The following SEPSECS variants were observed in gnomAD, a reference collection of about 807,000 sequenced individuals.
SEPSECS encodes Sep (O-phosphoserine) tRNA:Sec (selenocysteine) tRNA synthase, also known as O-phosphoseryl-tRNA(Sec) selenium transferase.
A neutral mutation model predicts 52.1 loss-of-function variants in SEPSECS; 42 were observed. The observed-to-expected ratio is 0.81, with a 90% confidence interval of 0.63 to 1.04. SEPSECS has a LOEUF of 1.04. SEPSECS is among the 50% of genes least tolerant of loss of function. The probability of loss-of-function intolerance (pLI) is 0.00; values close to 1 mark genes in which losing one functional copy is unlikely to be tolerated. For missense variants in SEPSECS, 590 were observed against 610.6 expected (o/e 0.97, Z 0.36); for synonymous variants, 216 against 211.4 (o/e 1.02, Z -0.19).
rs574542053 is a variant in SEPSECS, at chr4:25,144,150, C to A, written c.1026+624G>T. Among the ~76,000 whole-genome samples, 304 of 151,898 alleles carry A rather than the reference C, an allele frequency of 2.0e-3. 2 individuals carry two copies. In the South Asian group the frequency reaches 0.021, roughly 10 times the overall value. Reference sequence around the variant, plus strand: ...GGTCAGGAGTTGGAGATCAGCCTAGCCAACATAGTGAAACCCCGTCTCTAC... The same window carrying A: ...GGTCAGGAGTTGGAGATCAGCCTAGACAACATAGTGAAACCCCGTCTCTAC... On this transcript the variant is annotated intron_variant, in intron 8 of 10. Coordinates refer to ENST00000382103, the MANE Select transcript of SEPSECS (RefSeq NM_016955.4).
intron 6 of SEPSECS, among the ~76,000 whole-genome samples, chr4:25,150,050 T>C (rs1179229957): frequency 6.6e-6 from 1 of 152,196 alleles, no homozygotes; most frequent in African/African-American, 2.4e-5. Flanking sequence ...TCCTAACTGA[T>C]ACAAAGTTGA....
At chr4:25,129,723 C>T (rs1352408550) in intron 8 of SEPSECS, among the ~76,000 whole-genome samples, 1 of 151,910 alleles carries the variant, frequency 6.6e-6, no homozygotes, top group Non-Finnish European at 1.5e-5. Context: ...AAAGGTGAAA[C>T]AATAAGATAA....
rs17408685 is a variant in SEPSECS, at chr4:25,125,687, T to C, written c.1211+7A>G. The C allele has an allele frequency of 0.036, 56,980 of 1,595,370 alleles. 1,356 individuals carry two copies. Among genetic ancestry groups the C allele is most frequent in the East Asian group, 0.13 (5,853 of 44,710 alleles). ...AATAAACCCATATCTATCTTAAACATACTTACCTGGCTCCAGAAACCTGTC... is the reference window on the plus strand; with the variant it reads ...AATAAACCCATATCTATCTTAAACACACTTACCTGGCTCCAGAAACCTGTC... On this transcript the variant is annotated splice_region_variant and intron_variant, in intron 10 of 10. Coordinates refer to ENST00000382103, the MANE Select transcript of SEPSECS (RefSeq NM_016955.4).
chr4:25,155,267 T>C (rs1712553496), intron 4 of SEPSECS, 116 bp from the exon 5 acceptor site: 1 of 1,138,688 alleles, frequency 8.8e-7, no homozygotes, highest in Non-Finnish European at 1.3e-6. Context: ...TTTTGGTAGA[T>C]TAACCTTCCT....
chr4:25,160,338 C>G lies in SEPSECS; in HGVS notation c.32G>C (p.Arg11Pro), dbSNP rs963475810. 10 of 1,548,612 alleles carry G rather than the reference C, an allele frequency of 6.5e-6. No individual in the cohort carries two copies. The Admixed American group carries it at 1.8e-4, about 27-fold the overall frequency. Reference sequence around the variant, plus strand: ...CCGCACGTAAGCCGGCGACACCAGCCGCTCTCCCGCCGCGAAGCTCTCGCG... The same window carrying G: ...CCGCACGTAAGCCGGCGACACCAGCGGCTCTCCCGCCGCGAAGCTCTCGCG... MNRESFAAGE[R>P]LVSPAYVRQG... Residue 11 changes from arginine (R) to proline (P), a missense_variant, in exon 1 of 11, where the codon CGG becomes CCG. By Grantham distance (103) the Arg-to-Pro change is moderately radical (BLOSUM62 -2). Transcript: ENST00000382103.
At chr4:25,159,458 G>T in intron 1 of SEPSECS, 1 of 351,268 alleles carries the variant, frequency 2.8e-6, no homozygotes, top group Non-Finnish European at 5.6e-6. Flanking sequence ...GGAGAAGGGC[G>T]GTAGTTGTCA....
intron 8 of SEPSECS, among the ~76,000 whole-genome samples, chr4:25,143,185 T>C (rs1243210607): frequency 6.6e-6 from 1 of 152,206 alleles, no homozygotes; most frequent in Admixed American, 6.5e-5. Flanking sequence ...GTATAAAAAT[T>C]CATTGTCAGA....
At chr4:25,130,556 G>C (rs1418076918) in intron 8 of SEPSECS, among the ~76,000 whole-genome samples, 1 of 152,056 alleles carries the variant, frequency 6.6e-6, no homozygotes, top group Non-Finnish European at 1.5e-5. Flanking sequence ...GGAGTAATTA[G>C]ATTTAAAAAA....
In SEPSECS at chr4:25,124,119, T is replaced by G. The variant is rs368519815; in HGVS notation, c.1318A>C (p.Ile440Leu). The G allele has an allele frequency of 6.2e-7, 1 of 1,613,634 alleles. No homozygotes were observed. The highest frequency in any genetic ancestry group is 1.3e-5 in the African/African-American group (1 of 74,902). Residue 440 changes from isoleucine (I) to leucine (L), a missense_variant, in exon 11 of 11, where the codon ATC becomes CTC. By Grantham distance (5) the Ile-to-Leu change is conservative (BLOSUM62 2). Coordinates refer to ENST00000382103, the MANE Select transcript of SEPSECS (RefSeq NM_016955.4). Reference protein sequence around the residue: ...PCAYLNAASAIGMKMQDVDLF... With the variant: ...PCAYLNAASALGMKMQDVDLF... ...TCCACATCCTGCATCTTCATTCCGATGGCTGATGCAGCATTGAGGTAAGCA... is the reference window on the plus strand; with the variant it reads ...TCCACATCCTGCATCTTCATTCCGAGGGCTGATGCAGCATTGAGGTAAGCA...
At chr4:25,151,481 T>C (rs1379891913) in intron 6 of SEPSECS, among the ~76,000 whole-genome samples, 2 of 152,118 alleles carry the variant, frequency 1.3e-5, no homozygotes, top group Non-Finnish European at 2.9e-5. Flanking sequence ...TTTTCAAAAT[T>C]AGAACCTAAA....
At chr4:25,133,604 A>C (rs896106278) in intron 8 of SEPSECS, among the ~76,000 whole-genome samples, 1 of 152,228 alleles carries the variant, frequency 6.6e-6, no homozygotes, top group African/African-American at 2.4e-5. Context: ...ACATCAAGAC[A>C]TAACAGAAAT....
Position 25,159,127 on chromosome 4 carries a change from T to C in SEPSECS, c.115-20A>G. On this transcript the variant is annotated intron_variant, in intron 1 of 10. Transcript: ENST00000382103. ...CTTGCCCTTAAAAAAAAAAAAAAAC[T>C]TATGATTATATTTAATAAAACTACC... 8.2e-7 allele frequency: 1 copy of C among 1,226,174 alleles called. No individual in the cohort carries two copies. Among genetic ancestry groups the C allele is most frequent in the South Asian group, 1.4e-5 (1 of 73,096 alleles). The allele number at this position is 1,226,174 out of a possible 1,614,324, so 76.0% of individuals were successfully genotyped here. A position where few individuals can be genotyped will look rare whatever the true frequency, so the allele number is the denominator to read the frequency against.
Position 25,125,531 on chromosome 4 carries a change from T to A in SEPSECS, c.1211+163A>T, listed in dbSNP as rs1463208219. ...GGCATAAGCAGTCCACAGGTGGGCATACAGTAGCCTTACAGATTCTCTAAC... is the reference window on the plus strand; with the variant it reads ...GGCATAAGCAGTCCACAGGTGGGCAAACAGTAGCCTTACAGATTCTCTAAC... On this transcript the variant is annotated intron_variant, in intron 10 of 10. Coordinates refer to ENST00000382103, the MANE Select transcript of SEPSECS (RefSeq NM_016955.4). 3 of 660,222 alleles carry A rather than the reference T, an allele frequency of 4.5e-6. No individual in the cohort carries two copies. The African/African-American group carries it at 5.4e-5, about 12-fold the overall frequency. The allele number at this position is 660,222 out of a possible 1,614,324, so 40.9% of individuals were successfully genotyped here. A position where few individuals can be genotyped will look rare whatever the true frequency, so the allele number is the denominator to read the frequency against.
chr4:25,132,744 A>G (rs1409785191), intron 8 of SEPSECS, among the ~76,000 whole-genome samples: 2 of 152,212 alleles, frequency 1.3e-5, no homozygotes, highest in African/African-American at 4.8e-5. Context: ...GGGGTTTTAC[A>G]TACCTCCACT....
At chr4:25,159,204 C>T (rs1712890624) in intron 1 of SEPSECS, 97 bp from the exon 2 acceptor site, 15 of 1,054,340 alleles carry the variant, frequency 1.4e-5, no homozygotes, top group Non-Finnish European at 1.9e-5. Context: ...GTGTATTTTG[C>T]CACGCTGCTT....
chr4:25,155,897 T>TA, intron 4 of SEPSECS, 140 bp downstream of exon 4: 1 of 714,266 alleles, frequency 1.4e-6, no homozygotes, highest in Non-Finnish European at 2.3e-6. Context: ...TAAATTTTGT[T>TA]ACATATATTT....
At position 25,123,453 on chromosome 4, in the gene SEPSECS, A is replaced by G. The variant is rs1198847016; in HGVS notation, c.*478T>C. On this transcript the variant is annotated 3_prime_UTR_variant, in exon 11 of 11. Coordinates refer to ENST00000382103, the MANE Select transcript of SEPSECS (RefSeq NM_016955.4). ...TGCTTTTGAGTCAAAACGAAAGTTT[A>G]TACCTTGACTCTGCTTCCTTGGGGA... 1 of 175,312 alleles carries G rather than the reference A, an allele frequency of 5.7e-6. No individual in the cohort carries two copies. The highest frequency in any genetic ancestry group is 1.2e-5 in the Non-Finnish European group (1 of 81,192). 10.9% of individuals were successfully genotyped at this position (175,312 alleles called of 1,614,324 possible).
intron 9 of SEPSECS, 100 bp downstream of exon 9, chr4:25,127,164 T>C (rs1728409798): frequency 1.4e-6 from 1 of 734,606 alleles, no homozygotes; most frequent in Non-Finnish European, 2.3e-6. Flanking sequence ...TTTATAAATA[T>C]CATTATAACT....
chr4:25,157,033 T>G (rs199941660), intron 2 of SEPSECS, 59 bp from the exon 3 acceptor site: 3 of 910,706 alleles, frequency 3.3e-6, no homozygotes, highest in African/African-American at 1.6e-5. Flanking sequence ...AGTAATACAA[T>G]GTACAAATAT....
Sources: allele counts gnomAD v4.1 joint callset (sites outside exome capture counted in the v4.1 genomes callset), GRCh38; gene constraint gnomAD v4.1.1; transcripts MANE v1.5; gene names NCBI Gene and HGNC (gene_info 2026-07-23, HGNC 2026-07-21).